Variants in DNAJC7 observed in about 807,000 individuals in gnomAD.
DNAJC7 encodes dnaJ homolog subfamily C member 7.
A neutral mutation model predicts 67.4 loss-of-function variants in DNAJC7; 18 were observed. That is an observed-to-expected ratio of 0.27 (90% CI 0.18 to 0.40). The LOEUF (loss-of-function observed/expected upper bound fraction) is 0.40. DNAJC7 is among the 10% of genes least tolerant of loss of function. The pLI, the probability that DNAJC7 is intolerant of heterozygous loss-of-function variation, is 1.00. For missense variants in DNAJC7, 419 were observed against 613.8 expected, an observed-to-expected ratio of 0.68 and a Z score of 3.35; for synonymous variants, 220 against 207.8, an observed-to-expected ratio of 1.06 and a Z score of -0.50.
intron 1 of DNAJC7, chr17:42,017,133 T>C: frequency 6.8e-7 from 1 of 1,474,592 alleles, no homozygotes; most frequent in South Asian, 1.4e-5. Context: ...ATGCCTCAGC[T>C]CCTACGCCAG....
chr17:42,002,197 G>A (rs1250738095), intron 1 of DNAJC7, among the ~76,000 whole-genome samples: 1 of 152,172 alleles, frequency 6.6e-6, no homozygotes, highest in Non-Finnish European at 1.5e-5. Flanking sequence ...ACTGGATTTC[G>A]ATTAGTCAAA....
At chr17:41,993,457 T>TCAAAA (rs1310857399) in intron 5 of DNAJC7, among the ~76,000 whole-genome samples, 9 of 151,946 alleles carry the variant, frequency 5.9e-5, no homozygotes, top group Non-Finnish European at 7.4e-5. Flanking sequence ...AGACTCTGCC[T>TCAAAA]CAAAACAAAA....
intron 2 of DNAJC7, 126 bp downstream of exon 2, chr17:42,000,356 T>C (rs1555649313): frequency 6.3e-6 from 4 of 633,512 alleles, no homozygotes; most frequent in Non-Finnish European, 1.1e-5. Context: ...TGATCTAAAG[T>C]GATCCTCCTG....
chr17:41,988,650 C>T lies in DNAJC7; in HGVS notation c.918+82G>A, dbSNP rs1555647223. 2.8e-6 allele frequency: 4 copies of T among 1,451,366 alleles called. No homozygotes were observed. In the South Asian group the frequency reaches 4.5e-5, roughly 16 times the overall value. The allele number at this position is 1,451,366 out of a possible 1,614,324, so 89.9% of individuals were successfully genotyped here. The stretch of plus-strand genomic sequence containing the variant: ...CTTTCCCTCTTTCATCTTGCTTACC[C>T]TCACTAGGCAGATTTCCCAAGACCC... On this transcript the variant is annotated intron_variant, in intron 8 of 13. Transcript: ENST00000457167.
intron 13 of DNAJC7, chr17:41,977,059 G>A: frequency 1.5e-6 from 1 of 660,066 alleles, no homozygotes; most frequent in Non-Finnish European, 2.6e-6. Context: ...GAGATGCGGT[G>A]GCTAAAGGTC....
Position 41,997,074 on chromosome 17 carries a change from A to G in DNAJC7, c.291+41T>C, listed in dbSNP as rs1247730940. On this transcript the variant is annotated intron_variant, in intron 3 of 13. Transcript: ENST00000457167. ...TACGGGGCTAGAGAAACTCAACTGT[A>G]GCAACCCAGCCTTCCCCAAACAGCC... is the stretch of plus-strand genomic sequence containing the variant. 7 of 1,612,602 alleles carry G rather than the reference A, an allele frequency of 4.3e-6. No individual in the cohort carries two copies. In the East Asian group the frequency reaches 1.3e-4, roughly 31 times the overall value.
At chr17:41,994,753 A>G in intron 5 of DNAJC7, 117 bp downstream of exon 5, 1 of 781,954 alleles carries the variant, frequency 1.3e-6, no homozygotes, top group Non-Finnish European at 2.1e-6. Flanking sequence ...AATTTAAGTG[A>G]TAATTTACTA....
At chr17:42,009,168 T>G in intron 1 of DNAJC7, among the ~76,000 whole-genome samples, 1 of 152,358 alleles carries the variant, frequency 6.6e-6, no homozygotes, top group East Asian at 1.9e-4. Flanking sequence ...ACAGAATAGA[T>G]AGTTTTCACT....
At chr17:41,990,999 C>T (rs140382218) in intron 5 of DNAJC7, among the ~76,000 whole-genome samples, 1,716 of 152,254 alleles carry the variant, frequency 0.011, 10 homozygotes, top group Non-Finnish European at 0.016. Flanking sequence ...AAATAGGCTA[C>T]ATCAGATTAC....
chr17:41,987,977 C>T, intron 8 of DNAJC7, 67 bp from the exon 9 acceptor site: 1 of 1,352,182 alleles, frequency 7.4e-7, no homozygotes, highest in Non-Finnish European at 1.0e-6. Flanking sequence ...AAGCTGTGAG[C>T]ATGGCTTCAA....
At chr17:41,986,635 G>T (rs1374139422) in intron 9 of DNAJC7, among the ~76,000 whole-genome samples, 2 of 151,630 alleles carry the variant, frequency 1.3e-5, no homozygotes, top group African/African-American at 4.9e-5. Flanking sequence ...GAATCAAAGG[G>T]TGCTTTTTTT....
At chr17:42,007,111 A>T (rs1555650463) in intron 1 of DNAJC7, among the ~76,000 whole-genome samples, 2 of 152,044 alleles carry the variant, frequency 1.3e-5, no homozygotes, top group Non-Finnish European at 2.9e-5. Context: ...CAAAAAAAAA[A>T]AAGAAAAAGA....
chr17:42,008,990 G>A (rs1448719096), intron 1 of DNAJC7, among the ~76,000 whole-genome samples: 1 of 152,216 alleles, frequency 6.6e-6, no homozygotes, highest in Non-Finnish European at 1.5e-5. Context: ...GATTAAAGGC[G>A]TGAGCCATCA....
intron 6 of DNAJC7, among the ~76,000 whole-genome samples, chr17:41,990,019 A>G (rs2034076111): frequency 6.6e-6 from 1 of 152,220 alleles, no homozygotes; most frequent in Non-Finnish European, 1.5e-5. Flanking sequence ...ACCTTAAACA[A>G]ACAAACAAAA....
intron 4 of DNAJC7, among the ~76,000 whole-genome samples, chr17:41,995,457 G>A (rs1455860920): frequency 2.6e-5 from 4 of 152,146 alleles, no homozygotes; most frequent in African/African-American, 9.7e-5. Flanking sequence ...CATACACTCT[G>A]GTCAACAATG....
Position 41,990,351 on chromosome 17 carries a change from A to T in DNAJC7, c.512T>A (p.Phe171Tyr), listed in dbSNP as rs568420019. The T allele has an allele frequency of 1.9e-5, 30 of 1,611,176 alleles. No individual in the cohort carries two copies. In the Admixed American group the frequency reaches 4.2e-4, roughly 23 times the overall value. Residue 171 changes from phenylalanine to tyrosine, a missense_variant, in exon 6 of 14, where the codon TTT becomes TAT. Transcript: ENST00000457167. The stretch of plus-strand genomic sequence containing the variant: ...TTTGAAGCGATGGCAGGCAGGGGCA[A>T]ATTCTAGGGCACGGTCCATGCAGAA... ...VVFCMDRALE[F>Y]APACHRFKIL...
chr17:41,999,801 G>C (rs781981482), intron 2 of DNAJC7, among the ~76,000 whole-genome samples: 1 of 152,346 alleles, frequency 6.6e-6, no homozygotes, highest in South Asian at 2.1e-4. Flanking sequence ...TTATAGGCGT[G>C]AGCCACTGAG....
At chr17:41,984,724 A>G (rs1011706653) in intron 9 of DNAJC7, 4 of 152,208 alleles carry the variant, frequency 2.6e-5, no homozygotes, top group Non-Finnish European at 4.4e-5. Context: ...GGAGTTCCAG[A>G]GACAGCCACT....
At chr17:42,003,950 ATTTTTTTT>A (rs10631965) in intron 1 of DNAJC7, among the ~76,000 whole-genome samples, 5 of 94,330 alleles carry the variant, frequency 5.3e-5, no homozygotes, top group Non-Finnish European at 7.9e-5. Flanking sequence ...AAGATTTTCA[ATTTTTTTT>A]TTTTTTTTTT....
Sources: gnomAD v4.1 joint callset for allele counts (sites outside exome capture counted in the v4.1 genomes callset) on GRCh38, gnomAD v4.1.1 for gene constraint, MANE v1.5 for transcripts, NCBI Gene and HGNC (gene_info 2026-07-23, HGNC 2026-07-21) for gene names.